MTHFSD: variants seen among roughly 807,000 people sequenced by gnomAD.
MTHFSD encodes the protein methenyltetrahydrofolate synthase domain-containing protein.
A neutral mutation model predicts 31.1 loss-of-function variants in MTHFSD; 37 were observed. The ratio of observed to expected loss-of-function variants is 1.19; its 90% CI spans 0.91 to 1.56. MTHFSD has a LOEUF of 1.56. Among genes scored for constraint, MTHFSD ranks in the 40% most tolerant of loss-of-function variants. The probability of loss-of-function intolerance (pLI) is 0.00; values close to 1 mark genes in which losing one functional copy is unlikely to be tolerated. For missense variants in MTHFSD, 664 were observed against 510.1 expected (o/e 1.30, Z -2.91); for synonymous variants, 221 against 206.9 (o/e 1.07, Z -0.59).
Position 86,532,049 on chromosome 16 carries a change from G to C in MTHFSD, c.1114C>G (p.Leu372Val). 1.3e-6 allele frequency: 2 copies of C among 1,505,068 alleles called. No homozygotes were observed. Among genetic ancestry groups the C allele is most frequent in the Non-Finnish European group, 1.8e-6 (2 of 1,130,156 alleles). The allele number at this position is 1,505,068 out of a possible 1,614,324, so 93.2% of individuals were successfully genotyped here. A position where few individuals can be genotyped will look rare whatever the true frequency, so the allele number is the denominator to read the frequency against. ...TGCTGCCTGGCCAGCGCCACCCTCA[G>C]GGTGTCGGTGCCCAGGCGCAGGCCC... ...LQGLRLGTDT[L>V]RVALARQQRD... Residue 372 changes from leucine (L) to valine (V), a missense_variant, in exon 8 of 8, where the codon CTG becomes GTG. Physicochemically the swap from Leu to Val is conservative, Grantham distance 32. Transcript: ENST00000360900.
rs139800693 is a variant in MTHFSD, at chr16:86,546,699, A to C, written c.352-50T>G. The C allele has an allele frequency of 1.5e-4, 220 of 1,479,170 alleles. 2 individuals are homozygous for C. In the East Asian group the frequency reaches 4.9e-3, roughly 33 times the overall value. 91.6% of individuals were successfully genotyped at this position (1,479,170 alleles called of 1,614,324 possible). A position where few individuals can be genotyped will look rare whatever the true frequency, so the allele number is the denominator to read the frequency against. ...AAACTTCAACTCCAGCTGCTTCCTCATTTTATAATTCATGATCAAAGTGCA... is the reference window on the plus strand; with the variant it reads ...AAACTTCAACTCCAGCTGCTTCCTCCTTTTATAATTCATGATCAAAGTGCA... On this transcript the variant is annotated intron_variant, in intron 4 of 7. Coordinates refer to ENST00000360900, the MANE Select transcript of MTHFSD (RefSeq NM_001159377.2).
rs144236880 is a variant in MTHFSD, at chr16:86,549,427, T to A, written c.238-850A>T. Among the ~76,000 whole-genome samples the A allele has an allele frequency of 5.0e-3, 767 of 152,352 alleles. 11 individuals carry two copies. The highest frequency in any genetic ancestry group is 0.018 in the African/African-American group (741 of 41,582). On this transcript the variant is annotated intron_variant, in intron 3 of 7. Transcript: ENST00000360900. Reference sequence around the variant, plus strand: ...CAACCCAAGACCAATAAAAGACCCATGACATCTGTTTGGCCTATTTCAACA... The same window carrying A: ...CAACCCAAGACCAATAAAAGACCCAAGACATCTGTTTGGCCTATTTCAACA...
chr16:86,532,650 C>A (rs1428050206), intron 7 of MTHFSD, 169 bp from the exon 8 acceptor site: 2 of 440,386 alleles, frequency 4.5e-6, no homozygotes, highest in Middle Eastern at 5.7e-4. Context: ...CTATCTCACA[C>A]AGACGATGTC....
intron 3 of MTHFSD, among the ~76,000 whole-genome samples, chr16:86,549,132 A>G (rs943730101): frequency 1.3e-5 from 2 of 152,230 alleles, no homozygotes; most frequent in African/African-American, 4.8e-5. Context: ...TCAAATGCCT[A>G]TTGTGAGAAC....
At chr16:86,554,890 A>G in intron 1 of MTHFSD, 139 bp from the exon 2 acceptor site, 1 of 1,040,988 alleles carries the variant, frequency 9.6e-7, no homozygotes. Context: ...AGTTTCCCCG[A>G]CCTCAAGGGG....
chr16:86,540,088 G>A (rs980654592), intron 7 of MTHFSD, among the ~76,000 whole-genome samples: 2 of 151,928 alleles, frequency 1.3e-5, no homozygotes, highest in Non-Finnish European at 2.9e-5. Context: ...AACAAATGTT[G>A]ATGAAACTCA....
At chr16:86,535,611 A>G (rs1487757872) in intron 7 of MTHFSD, 1 of 640,176 alleles carries the variant, frequency 1.6e-6, no homozygotes, top group Non-Finnish European at 1.9e-6. Context: ...AAAAAAATAG[A>G]ATAAACTTTA....
At chr16:86,532,527 G>A (rs1043983392) in intron 7 of MTHFSD, 46 bp from the exon 8 acceptor site, 2 of 1,362,446 alleles carry the variant, frequency 1.5e-6, no homozygotes, top group Non-Finnish European at 1.9e-6. Flanking sequence ...AGAATCGCAG[G>A]GGCACCTGCC....
intron 2 of MTHFSD, 117 bp from the exon 3 acceptor site, chr16:86,552,263 T>C: frequency 6.2e-7 from 1 of 1,602,278 alleles, no homozygotes; most frequent in African/African-American, 1.3e-5. Flanking sequence ...CCTGCAAGCG[T>C]GGGAGTTGCT....
chr16:86,546,552 G>C lies in MTHFSD; in HGVS notation c.442+7C>G, dbSNP rs764159189. The C allele has an allele frequency of 2.7e-5, 43 of 1,613,346 alleles. No homozygotes were observed. In the East Asian group the frequency reaches 6.5e-4, roughly 24 times the overall value. ...CACACTCAAGGGTTCCCATCTGCTA[G>C]TCTTACCTTTTTCAGAAACGGCGAC... On this transcript the variant is annotated splice_region_variant and intron_variant, in intron 5 of 7. Coordinates refer to ENST00000360900, the MANE Select transcript of MTHFSD (RefSeq NM_001159377.2).
chr16:86,554,103 A>T (rs534313964), intron 2 of MTHFSD, among the ~76,000 whole-genome samples: 5 of 152,300 alleles, frequency 3.3e-5, no homozygotes, highest in East Asian at 3.9e-4. Flanking sequence ...CTGAACCAGC[A>T]GCAACAACCC....
chr16:86,549,980 A>G (rs988300599), intron 3 of MTHFSD, among the ~76,000 whole-genome samples: 1 of 152,154 alleles, frequency 6.6e-6, no homozygotes, highest in Admixed American at 6.5e-5. Flanking sequence ...TGCCCCCAGC[A>G]CTGCGGACTG....
chr16:86,539,877 G>A (rs939088310), intron 7 of MTHFSD, among the ~76,000 whole-genome samples: 12 of 152,092 alleles, frequency 7.9e-5, no homozygotes, highest in African/African-American at 2.9e-4. Flanking sequence ...ATGCATCCCA[G>A]ATATTCCAGT....
At chr16:86,549,693 C>A (rs902091823) in intron 3 of MTHFSD, among the ~76,000 whole-genome samples, 2 of 152,256 alleles carry the variant, frequency 1.3e-5, no homozygotes, top group African/African-American at 4.8e-5. Context: ...GTCTAGACCT[C>A]ACTCCAGAGA....
chr16:86,551,844 T>C, intron 3 of MTHFSD, 189 bp downstream of exon 3: 5 of 1,057,308 alleles, frequency 4.7e-6, no homozygotes, highest in East Asian at 2.6e-5. Context: ...ATTGACTGAA[T>C]TGCTAAACAG....
At chr16:86,546,932 T>C (rs1487431320) in intron 4 of MTHFSD, among the ~76,000 whole-genome samples, 2 of 152,100 alleles carry the variant, frequency 1.3e-5, no homozygotes, top group African/African-American at 4.8e-5. Context: ...TTTTTCCCCA[T>C]AAGGCAGAAG....
rs994648757 is a variant in MTHFSD at position 86,542,356 on chromosome 16, A to G, written c.443-143T>C. 1.5e-6 allele frequency: 1 copy of G among 672,776 alleles called. No individual in the cohort carries two copies. The highest frequency in any genetic ancestry group is 2.5e-6 in the Non-Finnish European group (1 of 402,234). 41.7% of individuals were successfully genotyped at this position (672,776 alleles called of 1,614,324 possible). On this transcript the variant is annotated intron_variant, in intron 5 of 7. Coordinates refer to ENST00000360900, the MANE Select transcript of MTHFSD (RefSeq NM_001159377.2). This position sits in a 1 kb window ranked among gnomAD's most constrained non-coding sequence, Gnocchi z 4.6. ...AGAAATTTTCACAGAAATGCCCACC[A>G]AATGCCCACAAGCAGCCCACACTGA...
intron 7 of MTHFSD, chr16:86,540,950 C>T: frequency 8.5e-7 from 1 of 1,170,818 alleles, no homozygotes; most frequent in South Asian, 1.7e-5. Flanking sequence ...CTGTGTTCAT[C>T]CTTAGAGGTG....
intron 3 of MTHFSD, among the ~76,000 whole-genome samples, chr16:86,549,127 T>C (rs1305397499): frequency 6.6e-6 from 1 of 152,248 alleles, no homozygotes; most frequent in Non-Finnish European, 1.5e-5. Flanking sequence ...AGTTCTCAAA[T>C]GCCTATTGTG....
Sources: allele counts gnomAD v4.1 joint callset (sites outside exome capture counted in the v4.1 genomes callset), GRCh38; gene constraint gnomAD v4.1.1; non-coding constraint Gnocchi (gnomAD v3.1); transcripts MANE v1.5; gene names NCBI Gene and HGNC (gene_info 2026-07-23, HGNC 2026-07-21).